ADAM32: variants seen among roughly 807,000 people sequenced by gnomAD.
ADAM32 encodes ADAM metallopeptidase domain 32.
In ADAM32, 89 loss-of-function variants were observed where a neutral mutation model predicts 114.9. The ratio of observed to expected loss-of-function variants is 0.77; its 90% CI spans 0.65 to 0.92. ADAM32 has a LOEUF of 0.92. Ranked by LOEUF, ADAM32 falls within the 40% of genes least tolerant of loss-of-function variation. The pLI, the probability that ADAM32 is intolerant of heterozygous loss-of-function variation, is 0.00. For missense variants in ADAM32, 870 were observed against 932.8 expected, an observed-to-expected ratio of 0.93 and a Z score of 0.88; for synonymous variants, 285 against 307.5, an observed-to-expected ratio of 0.93 and a Z score of 0.77.
At position 39,233,950 on chromosome 8, in the gene ADAM32, C is replaced by A. The variant is rs1365034599; in HGVS notation, c.1686C>A (p.Phe562Leu). 29 of 1,591,622 alleles carry A rather than the reference C, an allele frequency of 1.8e-5. No individual in the cohort carries two copies. The highest frequency in any genetic ancestry group is 2.5e-5 in the Non-Finnish European group (29 of 1,168,444). Residue 562 changes from phenylalanine to leucine, a missense_variant, in exon 16 of 25, where the codon TTC becomes TTA. Transcript: ENST00000379907. Reference sequence around the variant, plus strand: ...GTACCTACCCTACTCGAAAGCCTTTCCATCAAGAAAATGGTGATGTGATTT... The same window carrying A: ...GTACCTACCCTACTCGAAAGCCTTTACATCAAGAAAATGGTGATGTGATTT... ...LVCTYPTRKP[F>L]HQENGDVIYA... is the part of the protein sequence containing the mutation.
chr8:39,161,035 A>G, intron 7 of ADAM32, 70 bp downstream of exon 7: 1 of 1,319,284 alleles, frequency 7.6e-7, no homozygotes. Context: ...AGCTAGCTAG[A>G]CAGAAACTAA....
intron 10 of ADAM32, among the ~76,000 whole-genome samples, chr8:39,174,007 T>G (rs532741623): frequency 6.6e-6 from 1 of 152,304 alleles, no homozygotes; most frequent in South Asian, 2.1e-4. Context: ...GTATTTTTAG[T>G]AGATACAAGG....
intron 9 of ADAM32, chr8:39,168,994 C>G (rs540555449): frequency 6.6e-6 from 1 of 152,210 alleles, no homozygotes; most frequent in South Asian, 2.1e-4. Flanking sequence ...CAATGTTTGG[C>G]ATTAGGAACA....
At chr8:39,157,902 C>T (rs1804238489) in intron 6 of ADAM32, 1 of 452,574 alleles carries the variant, frequency 2.2e-6, no homozygotes, top group East Asian at 4.6e-5. Flanking sequence ...GATCTCAGTG[C>T]AGTGATAGTT....
intron 16 of ADAM32, among the ~76,000 whole-genome samples, chr8:39,245,520 G>C (rs371334644): frequency 6.6e-6 from 1 of 150,656 alleles, no homozygotes; most frequent in Non-Finnish European, 1.5e-5. Context: ...AATCTGACTT[G>C]CATCCTTATA....
At chr8:39,271,058 T>C in intron 20 of ADAM32, 144 bp downstream of exon 20, 1 of 684,258 alleles carries the variant, frequency 1.5e-6, no homozygotes, top group Non-Finnish European at 2.4e-6. Flanking sequence ...ATAGTCTAAT[T>C]TAGTTTCTAA....
chr8:39,207,304 C>T (rs991995447), intron 11 of ADAM32, among the ~76,000 whole-genome samples: 3 of 152,120 alleles, frequency 2.0e-5, no homozygotes, highest in African/African-American at 7.2e-5. Flanking sequence ...CCAGGCTCCC[C>T]TACTCAGCCA....
chr8:39,136,494 T>G (rs1384609843), intron 2 of ADAM32, among the ~76,000 whole-genome samples, 163 bp from the exon 3 acceptor site: 1 of 152,216 alleles, frequency 6.6e-6, no homozygotes, highest in Non-Finnish European at 1.5e-5. Flanking sequence ...TAAGTAAATA[T>G]TAAATTTTTT....
At chr8:39,232,783 G>C (rs1339918771) in intron 15 of ADAM32, among the ~76,000 whole-genome samples, 3 of 152,162 alleles carry the variant, frequency 2.0e-5, no homozygotes, top group Non-Finnish European at 4.4e-5. Flanking sequence ...TGTGAAGTTA[G>C]AATGTGTCCT....
intron 4 of ADAM32, 129 bp downstream of exon 4, chr8:39,147,334 G>T: frequency 2.6e-6 from 1 of 382,232 alleles, no homozygotes; most frequent in Non-Finnish European, 4.0e-6. Context: ...TAATGATCAG[G>T]GTTTCCTGAA....
At chr8:39,173,193 G>A (rs1366057509) in intron 10 of ADAM32, among the ~76,000 whole-genome samples, 8 of 152,230 alleles carry the variant, frequency 5.3e-5, no homozygotes, top group Admixed American at 3.3e-4. Flanking sequence ...GGGAGGCAGA[G>A]GTTGCAGTAA....
chr8:39,229,037 C>T (rs1809567379), intron 14 of ADAM32, among the ~76,000 whole-genome samples: 1 of 152,154 alleles, frequency 6.6e-6, no homozygotes, highest in Non-Finnish European at 1.5e-5. Context: ...TCAGCTTCCT[C>T]AGACAAAACA....
intron 11 of ADAM32, among the ~76,000 whole-genome samples, chr8:39,190,793 G>A (rs10448058): frequency 2.0e-5 from 3 of 151,942 alleles, no homozygotes; most frequent in African/African-American, 7.3e-5. Context: ...TAGGTTCAGG[G>A]GTACCTGTGC....
Position 39,223,165 on chromosome 8 carries a change from AAAT to A in ADAM32, c.1458_1460del (p.Asn486del), listed in dbSNP as rs1399921600. On this transcript the variant is annotated inframe_deletion, in exon 14 of 25. Coordinates refer to ENST00000379907, the MANE Select transcript of ADAM32 (RefSeq NM_145004.7). ...CTTTAATCAATGGACTTTCATGCAA[AAAT>A]AATAAGTTTATTTGTTATGACGGAG... The A allele has an allele frequency of 6.2e-7, 1 of 1,601,104 alleles. No individual in the cohort carries two copies. Among genetic ancestry groups the A allele is most frequent in the Admixed American group, 1.7e-5 (1 of 57,772 alleles).
chr8:39,124,152 A>G (rs1177265121), intron 2 of ADAM32, among the ~76,000 whole-genome samples: 1 of 151,910 alleles, frequency 6.6e-6, no homozygotes, highest in Non-Finnish European at 1.5e-5. Flanking sequence ...AGCATCCGTT[A>G]GCTATACTTC....
intron 11 of ADAM32, among the ~76,000 whole-genome samples, chr8:39,203,491 G>T (rs965575083): frequency 2.2e-4 from 33 of 152,022 alleles, no homozygotes; most frequent in African/African-American, 6.0e-4. Context: ...TTGGTAGATC[G>T]TCCTCCATCC....
chr8:39,188,047 G>A (rs1438986885), intron 11 of ADAM32, among the ~76,000 whole-genome samples: 2 of 151,892 alleles, frequency 1.3e-5, no homozygotes, highest in Non-Finnish European at 2.9e-5. Flanking sequence ...AGGTTAAAAG[G>A]TCAAAGGTCA....
In ADAM32 at chr8:39,213,621, T is replaced by C. The variant is rs146950970; in HGVS notation, c.1233+2297T>C. ...AGGCATGCTATGCATAATAATCACA[T>C]GAAGGTAAATGAGGTATTCATTCCC... On this transcript the variant is annotated intron_variant, in intron 12 of 24. Transcript: ENST00000379907. 3.4e-3 allele frequency among the ~76,000 whole-genome samples: 521 copies of C among 152,298 alleles called. 2 individuals carry two copies. Among genetic ancestry groups the C allele is most frequent in the Non-Finnish European group, 5.0e-3 (337 of 67,992 alleles).
At chr8:39,114,450 A>G (rs1401711684) in intron 1 of ADAM32, among the ~76,000 whole-genome samples, 1 of 152,220 alleles carries the variant, frequency 6.6e-6, no homozygotes, top group Non-Finnish European at 1.5e-5. Context: ...TGGTGATTGC[A>G]TCAGTTTCTG....
Sources: allele counts gnomAD v4.1 joint callset (sites outside exome capture counted in the v4.1 genomes callset), GRCh38; gene constraint gnomAD v4.1.1; transcripts MANE v1.5; gene names NCBI Gene and HGNC (gene_info 2026-07-23, HGNC 2026-07-21).